Variants in ROBO1 observed in about 807,000 individuals in gnomAD.
ROBO1 encodes roundabout homolog 1.
In ROBO1, 149 loss-of-function variants were observed where a neutral mutation model predicts 195.9. The ratio of observed to expected loss-of-function variants is 0.76; its 90% CI spans 0.67 to 0.87. The LOEUF is 0.87. Among genes scored for constraint, ROBO1 ranks in the 40% least tolerant of loss-of-function variants. ROBO1 has a pLI of 0.00. For missense variants in ROBO1, 1,933 were observed against 2,068.3 expected, an observed-to-expected ratio of 0.93 and a Z score of 1.27; for synonymous variants, 816 against 733.2, an observed-to-expected ratio of 1.11 and a Z score of -1.82.
chr3:79,354,656 T>C lies in ROBO1; in HGVS notation c.89-229117A>G, dbSNP rs1456788743. On this transcript the variant is annotated intron_variant, in intron 2 of 30. Coordinates refer to ENST00000464233, the MANE Select transcript of ROBO1 (RefSeq NM_002941.4). ...TGGCCAACCTTTTATAGATTTGTCT[T>C]GAACTCTGCCTCTTATTTCCTCCTG... is the stretch of plus-strand genomic sequence containing the variant. Among the ~76,000 whole-genome samples, 7 of 152,314 alleles carry C rather than the reference T, an allele frequency of 4.6e-5. No homozygotes were observed. In the South Asian group the frequency reaches 1.2e-3, roughly 27 times the overall value.
intron 1 of ROBO1, among the ~76,000 whole-genome samples, chr3:79,628,893 A>C (rs1295241910): frequency 6.6e-6 from 1 of 152,230 alleles, no homozygotes. Flanking sequence ...AAAGTAAAAA[A>C]AGACAAAGGA....
chr3:79,313,685 T>C (rs577597371), intron 2 of ROBO1, among the ~76,000 whole-genome samples: 1 of 152,316 alleles, frequency 6.6e-6, no homozygotes. Flanking sequence ...TCCTCTCCCT[T>C]AGCCCTATTT....
intron 5 of ROBO1, among the ~76,000 whole-genome samples, chr3:78,731,589 G>A (rs921941735): frequency 2.0e-5 from 3 of 151,986 alleles, no homozygotes; most frequent in African/African-American, 7.3e-5. Flanking sequence ...CAATCTAAGA[G>A]ATTGGACATA....
At chr3:79,554,915 G>A (rs538225333) in intron 2 of ROBO1, among the ~76,000 whole-genome samples, 9 of 152,168 alleles carry the variant, frequency 5.9e-5, no homozygotes, top group African/African-American at 1.7e-4. Flanking sequence ...TCAATCTGGC[G>A]TGTAGAAGAT....
intron 1 of ROBO1, among the ~76,000 whole-genome samples, chr3:79,678,924 C>T (rs1946862648): frequency 6.6e-6 from 1 of 151,986 alleles, no homozygotes; most frequent in Admixed American, 6.6e-5. Flanking sequence ...TTTTATAAAA[C>T]ACTTAAAGTG....
At chr3:78,633,854 G>A (rs1006661226) in intron 24 of ROBO1, 81 bp downstream of exon 24, 10 of 843,398 alleles carry the variant, frequency 1.2e-5, no homozygotes, top group East Asian at 5.1e-5. Flanking sequence ...ACCTACATAC[G>A]TCAGTCCATT....
intron 1 of ROBO1, among the ~76,000 whole-genome samples, chr3:79,717,873 T>G (rs1702552154): frequency 6.6e-6 from 1 of 152,010 alleles, no homozygotes; most frequent in Non-Finnish European, 1.5e-5. Context: ...TATTTTTCTG[T>G]GGATTAAGTG....
intron 2 of ROBO1, among the ~76,000 whole-genome samples, chr3:79,494,715 A>G (rs1180887437): frequency 6.6e-6 from 1 of 152,188 alleles, no homozygotes; most frequent in Non-Finnish European, 1.5e-5. Flanking sequence ...TTCCACAAAA[A>G]AAGTGTACAA....
intron 2 of ROBO1, among the ~76,000 whole-genome samples, chr3:79,432,235 A>C (rs1437293860): frequency 6.6e-6 from 1 of 152,116 alleles, no homozygotes; most frequent in Non-Finnish European, 1.5e-5. Flanking sequence ...GACAAGACCC[A>C]GGTATAATAG....
At chr3:79,538,008 T>G (rs1387700453) in intron 2 of ROBO1, among the ~76,000 whole-genome samples, 1 of 152,164 alleles carries the variant, frequency 6.6e-6, no homozygotes, top group African/African-American at 2.4e-5. Context: ...TTGGGCCACT[T>G]TCGAAGCCAT....
intron 1 of ROBO1, among the ~76,000 whole-genome samples, chr3:79,763,141 A>T (rs1314087029): frequency 1.3e-5 from 2 of 152,196 alleles, no homozygotes; most frequent in African/African-American, 4.8e-5. Flanking sequence ...CTTTGGAAAT[A>T]TAGGTATGAC....
chr3:79,228,953 A>T (rs1194971688), intron 2 of ROBO1, among the ~76,000 whole-genome samples: 3 of 152,142 alleles, frequency 2.0e-5, no homozygotes, highest in Admixed American at 6.6e-5. Flanking sequence ...CAATCTCTTC[A>T]TTTCTTAAAG....
chr3:79,715,128 T>C (rs148244990), intron 1 of ROBO1, among the ~76,000 whole-genome samples: 2 of 152,210 alleles, frequency 1.3e-5, no homozygotes, highest in African/African-American at 4.8e-5. Context: ...GGAGATGGAA[T>C]GTACTCCTGG....
At chr3:78,698,480 C>A (rs187367943) in intron 8 of ROBO1, among the ~76,000 whole-genome samples, 6 of 152,200 alleles carry the variant, frequency 3.9e-5, no homozygotes, top group Non-Finnish European at 8.8e-5. Context: ...ACATAAAATA[C>A]TATGAACTTT....
chr3:78,742,977 ATACATCAGGGAG>A (rs1467224849), intron 5 of ROBO1, among the ~76,000 whole-genome samples: 2 of 152,212 alleles, frequency 1.3e-5, no homozygotes, highest in African/African-American at 4.8e-5. Context: ...TCACTATATG[ATACATCAGGGAG>A]TTCCAAGAAT....
intron 2 of ROBO1, among the ~76,000 whole-genome samples, chr3:79,541,819 G>A (rs1239803706): frequency 3.0e-5 from 3 of 100,096 alleles, no homozygotes; most frequent in South Asian, 2.8e-4. Context: ...ATATGTGTGT[G>A]TGTGTGTGTG....
chr3:78,706,634 G>A (rs1373734467), intron 8 of ROBO1, among the ~76,000 whole-genome samples: 7 of 151,934 alleles, frequency 4.6e-5, no homozygotes, highest in Non-Finnish European at 8.8e-5. Flanking sequence ...GAACCATGAC[G>A]CCCAGCTTTT....
intron 1 of ROBO1, among the ~76,000 whole-genome samples, chr3:79,751,540 A>G (rs1412195524): frequency 1.3e-5 from 2 of 152,182 alleles, no homozygotes; most frequent in Non-Finnish European, 2.9e-5. Flanking sequence ...GTTAAAGTCC[A>G]TAAAGCAAAT....
intron 29 of ROBO1, among the ~76,000 whole-genome samples, chr3:78,606,010 C>T (rs1224006934): frequency 6.6e-6 from 1 of 152,196 alleles, no homozygotes; most frequent in Non-Finnish European, 1.5e-5. Flanking sequence ...GTTTCTGACA[C>T]CTTCATCTAC....
Sources: gnomAD v4.1 joint callset for allele counts (sites outside exome capture counted in the v4.1 genomes callset) on GRCh38, gnomAD v4.1.1 for gene constraint, MANE v1.5 for transcripts, NCBI Gene and HGNC (gene_info 2026-07-23, HGNC 2026-07-21) for gene names.